The following DOCK4 variants were observed in gnomAD, a reference collection of about 807,000 sequenced individuals.
DOCK4 encodes the protein dedicator of cytokinesis 4, also known as dedicator of cytokinesis protein 4.
In DOCK4, 97 loss-of-function variants were observed where a neutral mutation model predicts 268.1. That is an observed-to-expected ratio of 0.36 (90% CI 0.31 to 0.43). DOCK4 has a LOEUF of 0.43. DOCK4 is among the 20% of genes least tolerant of loss of function. The probability of loss-of-function intolerance (pLI) is 1.00; values close to 1 mark genes in which losing one functional copy is unlikely to be tolerated. For synonymous variants in DOCK4, 954 were observed against 887.2 expected (o/e 1.08, Z -1.34); for missense variants, 2,145 against 2,455.7 (o/e 0.87, Z 2.67).
At chr7:111,780,456 G>C (rs371948254) in intron 35 of DOCK4, among the ~76,000 whole-genome samples, 50 of 152,140 alleles carry the variant, frequency 3.3e-4, no homozygotes, top group African/African-American at 1.2e-3. Flanking sequence ...ATGACTAAAG[G>C]ATGATTTGCT....
intron 28 of DOCK4, among the ~76,000 whole-genome samples, chr7:111,810,055 TAAC>T (rs1016951417): frequency 1.1e-4 from 16 of 148,958 alleles, no homozygotes; most frequent in Non-Finnish European, 2.1e-4. Flanking sequence ...ATTAAAGACA[TAAC>T]AAACCAGGAG....
intron 4 of DOCK4, 100 bp from the exon 5 acceptor site, chr7:111,994,331 T>C: frequency 1.5e-6 from 1 of 674,344 alleles, no homozygotes; most frequent in Non-Finnish European, 2.4e-6. Context: ...GCTGCCTAGC[T>C]ATTGTTCGTT....
At chr7:112,205,262 T>A (rs1587061924) in intron 1 of DOCK4, among the ~76,000 whole-genome samples, 1 of 152,016 alleles carries the variant, frequency 6.6e-6, no homozygotes, top group Non-Finnish European at 1.5e-5. Context: ...AGTGTCAGGG[T>A]ATGCTTTCCT....
chr7:112,188,684 ATCTAGGTAGTAACT>A (rs1819666844), intron 1 of DOCK4, among the ~76,000 whole-genome samples: 1 of 152,200 alleles, frequency 6.6e-6, no homozygotes, highest in Non-Finnish European at 1.5e-5. Context: ...CATTAGGAAA[ATCTAGGTAGTAACT>A]TCAAACCTTG....
chr7:112,166,423 C>A (rs1183549217), intron 1 of DOCK4, among the ~76,000 whole-genome samples: 1 of 152,154 alleles, frequency 6.6e-6, no homozygotes, highest in Non-Finnish European at 1.5e-5. Context: ...AAAGATTCCT[C>A]CTGTCCACTA....
chr7:112,082,396 GA>G (rs1292357828), intron 1 of DOCK4, among the ~76,000 whole-genome samples: 1 of 152,020 alleles, frequency 6.6e-6, no homozygotes, highest in Non-Finnish European at 1.5e-5. Flanking sequence ...GAAAGCCAGA[GA>G]AAAAAAGGAA....
At chr7:112,183,424 G>C (rs1819226004) in intron 1 of DOCK4, among the ~76,000 whole-genome samples, 1 of 152,078 alleles carries the variant, frequency 6.6e-6, no homozygotes, top group South Asian at 2.1e-4. Context: ...AGCATTCCAG[G>C]CTTTACTGAT....
intron 16 of DOCK4, among the ~76,000 whole-genome samples, chr7:111,883,683 T>C (rs950620952): frequency 1.3e-5 from 2 of 152,104 alleles, no homozygotes; most frequent in Non-Finnish European, 2.9e-5. Context: ...TATCTATGAA[T>C]AGAAGACTTG....
intron 16 of DOCK4, among the ~76,000 whole-genome samples, chr7:111,894,123 G>A (rs576116254): frequency 6.6e-6 from 1 of 151,946 alleles, no homozygotes; most frequent in African/African-American, 2.4e-5. Context: ...TCAGGAGGCT[G>A]AGGCAGGAGA....
Position 111,727,039 on chromosome 7 carries a change from A to T in DOCK4, c.*1235T>A, listed in dbSNP as rs746351842. ...AAAATACAGTTCATATCTATTGTCA[A>T]TTGAGTGTTATAAACAGTCAGTAAA... On this transcript the variant is annotated 3_prime_UTR_variant, in exon 53 of 53. Coordinates refer to ENST00000428084, the MANE Select transcript of DOCK4 (RefSeq NM_001363540.2). 9 of 152,650 alleles carry T rather than the reference A, an allele frequency of 5.9e-5. No individual in the cohort carries two copies. 9.5% of individuals were successfully genotyped at this position (152,650 alleles called of 1,614,324 possible). A position where few individuals can be genotyped will look rare whatever the true frequency, so the allele number is the denominator to read the frequency against.
At chr7:112,145,618 AG>A (rs1178528092) in intron 1 of DOCK4, among the ~76,000 whole-genome samples, 1 of 152,236 alleles carries the variant, frequency 6.6e-6, no homozygotes, top group Non-Finnish European at 1.5e-5. Flanking sequence ...CAAACCTAAC[AG>A]GATCATTAAG....
At chr7:112,026,499 T>C (rs1248262770) in intron 1 of DOCK4, among the ~76,000 whole-genome samples, 1 of 152,176 alleles carries the variant, frequency 6.6e-6, no homozygotes, top group Non-Finnish European at 1.5e-5. Flanking sequence ...GGCCAACAAA[T>C]AACAGCCTAC....
At chr7:112,142,724 T>C (rs1815055629) in intron 1 of DOCK4, among the ~76,000 whole-genome samples, 1 of 152,124 alleles carries the variant, frequency 6.6e-6, no homozygotes, top group Non-Finnish European at 1.5e-5. Flanking sequence ...ATTTTGTGTA[T>C]ATCATTCACA....
At chr7:112,141,526 G>T (rs1814929056) in intron 1 of DOCK4, among the ~76,000 whole-genome samples, 1 of 152,134 alleles carries the variant, frequency 6.6e-6, no homozygotes, top group South Asian at 2.1e-4. Context: ...AGATTTCCCT[G>T]AAGAAGAGAT....
chr7:112,131,326 G>A (rs1219805210), intron 1 of DOCK4, among the ~76,000 whole-genome samples: 1 of 152,166 alleles, frequency 6.6e-6, no homozygotes, highest in Non-Finnish European at 1.5e-5. Context: ...CCTGGGAAGG[G>A]CAAAAGGAGG....
At chr7:111,760,098 G>A in intron 40 of DOCK4, 83 bp downstream of exon 40, 1 of 1,547,320 alleles carries the variant, frequency 6.5e-7, no homozygotes, top group Non-Finnish European at 8.8e-7. Flanking sequence ...AGGGACTGGT[G>A]GCTGAACAAC....
chr7:112,000,440 T>C, intron 3 of DOCK4, 54 bp downstream of exon 3: 1 of 1,101,628 alleles, frequency 9.1e-7, no homozygotes, highest in Non-Finnish European at 1.3e-6. Flanking sequence ...ATAATTTAAA[T>C]AACTATCTTT....
chr7:112,165,239 A>G (rs547122137), intron 1 of DOCK4, among the ~76,000 whole-genome samples: 117 of 152,152 alleles, frequency 7.7e-4, no homozygotes, highest in Non-Finnish European at 1.5e-3. Context: ...CTCTGCTATC[A>G]AACACTGAAT....
intron 1 of DOCK4, among the ~76,000 whole-genome samples, chr7:112,086,656 G>A (rs919486439): frequency 6.6e-6 from 1 of 152,060 alleles, no homozygotes; most frequent in Non-Finnish European, 1.5e-5. Context: ...TGGTAACAGA[G>A]GCAATTTCCA....
Sources: gnomAD v4.1 joint callset for allele counts (sites outside exome capture counted in the v4.1 genomes callset) on GRCh38, gnomAD v4.1.1 for gene constraint, MANE v1.5 for transcripts, NCBI Gene and HGNC (gene_info 2026-07-23, HGNC 2026-07-21) for gene names.